CACNA1C: variants seen among roughly 807,000 people sequenced by gnomAD.
CACNA1C encodes voltage-dependent L-type calcium channel subunit alpha-1C.
CACNA1C carries 30 observed loss-of-function variants against 229.0 expected under a neutral mutation model. The ratio of observed to expected loss-of-function variants is 0.13; its 90% CI spans 0.10 to 0.18. CACNA1C has a LOEUF of 0.18. Among genes scored for constraint, CACNA1C ranks in the 10% least tolerant of loss-of-function variants. The pLI is 1.00. For missense variants in CACNA1C, 1,658 were observed against 2,845.0 expected (o/e 0.58, Z 9.49); for synonymous variants, 1,114 against 1,132.5 (o/e 0.98, Z 0.33).
At chr12:2,458,505 C>G (rs937871697) in intron 5 of CACNA1C, among the ~76,000 whole-genome samples, 6 of 152,242 alleles carry the variant, frequency 3.9e-5, no homozygotes, top group African/African-American at 1.2e-4. Context: ...ACTCTTCCCT[C>G]TTCAGTTTGT....
intron 1 of CACNA1C, among the ~76,000 whole-genome samples, chr12:2,055,682 C>A (rs2054427838): frequency 6.6e-6 from 1 of 152,234 alleles, no homozygotes; most frequent in African/African-American, 2.4e-5. Context: ...AGCAACATGC[C>A]AGCAAACGCT....
chr12:1,991,758 T>C (rs1169938349), intron 1 of CACNA1C: 1 of 155,972 alleles, frequency 6.4e-6, no homozygotes, highest in African/African-American at 2.4e-5. Context: ...AGAAGGTTAT[T>C]TTTTAAATTG....
At position 2,512,755 on chromosome 12, in the gene CACNA1C, C is replaced by T. The variant is rs1319073016; in HGVS notation, c.1218-57C>T. 5.3e-5 allele frequency: 71 copies of T among 1,345,680 alleles called. No homozygotes were observed. Among genetic ancestry groups the T allele is most frequent in the East Asian group, 3.1e-4 (13 of 42,008 alleles). The allele number at this position is 1,345,680 out of a possible 1,614,324, so 83.4% of individuals were successfully genotyped here. A position where few individuals can be genotyped will look rare whatever the true frequency, so the allele number is the denominator to read the frequency against. On this transcript the variant is annotated intron_variant, in intron 8 of 46. Transcript: ENST00000399655. The surrounding 1 kb of genome is among the most constrained non-coding windows in gnomAD (Gnocchi z 4.3). ...CTCTCCTTCCATCCTCGACCCTTCTCGGTGCTCCCTCCTTCTCTGTGCTCT... is the reference window on the plus strand; with the variant it reads ...CTCTCCTTCCATCCTCGACCCTTCTTGGTGCTCCCTCCTTCTCTGTGCTCT...
intron 1 of CACNA1C, among the ~76,000 whole-genome samples, chr12:2,104,268 T>A (rs113473938): frequency 1.3e-5 from 2 of 152,186 alleles, no homozygotes; most frequent in East Asian, 3.9e-4. Context: ...GGTTTGTAGT[T>A]CTCCTTGAAG....
At chr12:1,981,502 G>A (rs567499031) in intron 1 of CACNA1C, among the ~76,000 whole-genome samples, 1 of 152,100 alleles carries the variant, frequency 6.6e-6, no homozygotes, top group Non-Finnish European at 1.5e-5. Flanking sequence ...TTATACATAA[G>A]GTAAACTATA....
intron 3 of CACNA1C, among the ~76,000 whole-genome samples, chr12:2,358,246 T>C (rs2097440303): frequency 7.4e-6 from 1 of 135,696 alleles, no homozygotes; most frequent in African/African-American, 2.8e-5. Flanking sequence ...AGAAGCGGCG[T>C]CCTCCTGTGT....
At chr12:2,009,232 T>C (rs148820857) in intron 1 of CACNA1C, among the ~76,000 whole-genome samples, 89 of 152,304 alleles carry the variant, frequency 5.8e-4, no homozygotes, top group African/African-American at 1.7e-3. Flanking sequence ...TAAAACAAGT[T>C]TGTAGAATGA....
At chr12:2,315,690 C>A (rs184160783) in intron 3 of CACNA1C, among the ~76,000 whole-genome samples, 42 of 152,244 alleles carry the variant, frequency 2.8e-4, no homozygotes, top group African/African-American at 1.0e-3. Flanking sequence ...GAAGAAAAAA[C>A]CCTATTAATT....
chr12:2,058,541 G>A (rs999763620), intron 1 of CACNA1C, among the ~76,000 whole-genome samples: 5 of 152,092 alleles, frequency 3.3e-5, no homozygotes, highest in African/African-American at 1.2e-4. Context: ...TAAAAAAAAA[G>A]GCATGGGGAA....
intron 30 of CACNA1C, among the ~76,000 whole-genome samples, chr12:2,635,286 C>G (rs919427192): frequency 4.6e-5 from 7 of 152,210 alleles, no homozygotes; most frequent in African/African-American, 1.4e-4. Context: ...ACAGTTCCTA[C>G]CAGTTCCTGC....
At chr12:2,497,350 C>T (rs2099748756) in intron 7 of CACNA1C, among the ~76,000 whole-genome samples, 1 of 152,178 alleles carries the variant, frequency 6.6e-6, no homozygotes, top group Non-Finnish European at 1.5e-5. Flanking sequence ...GGCCCCTGCT[C>T]ATGGGAAACA....
intron 1 of CACNA1C, among the ~76,000 whole-genome samples, chr12:2,104,911 G>A (rs1219706775): frequency 6.6e-6 from 1 of 152,198 alleles, no homozygotes; most frequent in Non-Finnish European, 1.5e-5. Context: ...GTCATCTTCA[G>A]TTGAAGGCCG....
chr12:2,312,856 G>T (rs868660373), intron 3 of CACNA1C, among the ~76,000 whole-genome samples: 2 of 152,064 alleles, frequency 1.3e-5, no homozygotes, highest in Non-Finnish European at 2.9e-5. Flanking sequence ...GGGCTCCCCA[G>T]TCCTGAAATT....
At position 2,355,592 on chromosome 12, in the gene CACNA1C, A is replaced by G. The variant is rs2097338011; in HGVS notation, c.478-93384A>G. 2.0e-5 allele frequency among the ~76,000 whole-genome samples: 3 copies of G among 152,318 alleles called. No individual in the cohort carries two copies. The South Asian group carries it at 6.2e-4, about 32-fold the overall frequency. On this transcript the variant is annotated intron_variant, in intron 3 of 46. Coordinates refer to ENST00000399655, the MANE Select transcript of CACNA1C (RefSeq NM_000719.7). Reference sequence around the variant, plus strand: ...GCCCAGCCCAAATGTCACTTTGTCTACTAAGACTGCCCTGGTCACCTGTTT... The same window carrying G: ...GCCCAGCCCAAATGTCACTTTGTCTGCTAAGACTGCCCTGGTCACCTGTTT...
In CACNA1C at chr12:2,694,908, G is replaced by GA. The variant is rs1478374558; in HGVS notation, c.*3711dup. 6.6e-6 allele frequency: 1 copy of GA among 152,232 alleles called. No individual in the cohort carries two copies. The highest frequency in any genetic ancestry group is 6.5e-5 in the Admixed American group (1 of 15,284). The allele number at this position is 152,232 out of a possible 1,614,324, so 9.4% of individuals were successfully genotyped here. A position where few individuals can be genotyped will look rare whatever the true frequency, so the allele number is the denominator to read the frequency against. ...ACGAATGTAGGTCAGGGATAGAGTG[G>GA]AACCCTGGTCATCGGGGTTTTTAGC... is the stretch of plus-strand genomic sequence containing the variant. On this transcript the variant is annotated 3_prime_UTR_variant, in exon 47 of 47. Coordinates refer to ENST00000399655, the MANE Select transcript of CACNA1C (RefSeq NM_000719.7).
chr12:2,095,932 A>C (rs1299569684), intron 1 of CACNA1C, among the ~76,000 whole-genome samples: 1 of 152,150 alleles, frequency 6.6e-6, no homozygotes, highest in Admixed American at 6.5e-5. Flanking sequence ...CTCCTTACTT[A>C]AAGTGATCAG....
chr12:2,336,815 T>C (rs1228852112), intron 3 of CACNA1C, among the ~76,000 whole-genome samples: 1 of 151,960 alleles, frequency 6.6e-6, no homozygotes, highest in Non-Finnish European at 1.5e-5. Flanking sequence ...CACAACAGCC[T>C]CCTGATGGGC....
Position 2,633,667 on chromosome 12 carries a change from C to G in CACNA1C, c.3829-630C>G, listed in dbSNP as rs779854935. Reference sequence around the variant, plus strand: ...ATCCCTGGAATGTTTTTGACTTCCTCATCGTAATTGGCAGCATAATTGACG... The same window carrying G: ...ATCCCTGGAATGTTTTTGACTTCCTGATCGTAATTGGCAGCATAATTGACG... On this transcript the variant is annotated intron_variant, in intron 29 of 46. Transcript: ENST00000399655. The surrounding 1 kb of genome is among the most constrained non-coding windows in gnomAD (Gnocchi z 5.8). 1.9e-6 allele frequency: 3 copies of G among 1,611,196 alleles called. No homozygotes were observed. The African/African-American group carries it at 4.0e-5, about 22-fold the overall frequency.
chr12:2,187,547 C>G (rs983830899), intron 3 of CACNA1C, among the ~76,000 whole-genome samples: 1 of 152,192 alleles, frequency 6.6e-6, no homozygotes, highest in East Asian at 1.9e-4. Flanking sequence ...TTGTTCATTC[C>G]TGGGAGCTCC....
Sources: gnomAD v4.1 joint callset for allele counts (sites outside exome capture counted in the v4.1 genomes callset) on GRCh38, gnomAD v4.1.1 for gene constraint, Gnocchi (gnomAD v3.1) non-coding constraint, MANE v1.5 for transcripts, NCBI Gene and HGNC (gene_info 2026-07-23, HGNC 2026-07-21) for gene names.